The following PROSER3 variants were observed in gnomAD, a reference collection of about 807,000 sequenced individuals.
The protein encoded by PROSER3 is proline and serine-rich protein 3.
In PROSER3, 33 loss-of-function variants were observed where a neutral mutation model predicts 50.2. The ratio of observed to expected loss-of-function variants is 0.66; its 90% CI spans 0.50 to 0.88. The LOEUF (loss-of-function observed/expected upper bound fraction) is 0.88, where lower values mean the gene tolerates loss of function less well. Among genes scored for constraint, PROSER3 ranks in the 40% least tolerant of loss-of-function variants. The pLI, the probability that PROSER3 is intolerant of heterozygous loss-of-function variation, is 0.00. For missense variants in PROSER3, 623 were observed against 612.7 expected, an observed-to-expected ratio of 1.02 and a Z score of -0.18; for synonymous variants, 266 against 259.3, an observed-to-expected ratio of 1.03 and a Z score of -0.25.
intron 3 of PROSER3, among the ~76,000 whole-genome samples, chr19:35,760,428 C>A (rs999550174): frequency 6.6e-6 from 1 of 152,118 alleles, no homozygotes; most frequent in South Asian, 2.1e-4. Context: ...ACAGGCCAGA[C>A]GTACCATGCC....
At chr19:35,764,790 G>A in intron 5 of PROSER3, 64 bp from the exon 6 acceptor site, 1 of 1,461,796 alleles carries the variant, frequency 6.8e-7, no homozygotes, top group South Asian at 1.2e-5. Flanking sequence ...CAGGCCCTCT[G>A]TTTAGAACCC....
intron 8 of PROSER3, 55 bp downstream of exon 8, chr19:35,767,010 G>GGGGGAC: frequency 6.7e-7 from 1 of 1,487,698 alleles, no homozygotes; most frequent in Non-Finnish European, 9.0e-7. Context: ...CTGGGTCTGA[G>GGGGGAC]GGGGACTGAG....
exon 9 of PROSER3, chr19:35,767,931 C>A: frequency 6.2e-7 from 1 of 1,612,310 alleles, no homozygotes; most frequent in Non-Finnish European, 8.5e-7. Flanking sequence ...GAGCAGGCAA[C>A]CACAGTCAAG....
chr19:35,767,213 C>T (rs1169246454), intron 8 of PROSER3: 4 of 447,132 alleles, frequency 8.9e-6, no homozygotes, highest in Non-Finnish European at 1.6e-5. Flanking sequence ...GTCCTCTCCA[C>T]ACATCTTTTG....
At chr19:35,770,830 A>T (rs1210450604), downstream of PROSER3, 7 of 151,864 alleles carry the variant, frequency 4.6e-5, no homozygotes, top group Admixed American at 1.3e-4. Flanking sequence ...GGAAAAAAAA[A>T]AAAAGATAAT....
rs1970982749 is a variant in PROSER3, at chr19:35,762,371, C to T, written c.543+15C>T. On this transcript the variant is annotated intron_variant, in intron 5 of 10. Coordinates refer to ENST00000396908, the Ensembl canonical transcript of PROSER3. ...AAATAAAGCAGGTGACATCCCCATTCACTCCCTCCCTTGGGTGCCTGAACT... is the reference window on the plus strand; with the variant it reads ...AAATAAAGCAGGTGACATCCCCATTTACTCCCTCCCTTGGGTGCCTGAACT... The T allele has an allele frequency of 3.2e-6, 5 of 1,575,864 alleles. No homozygotes were observed. In the African/African-American group the frequency reaches 6.8e-5, roughly 21 times the overall value.
At chr19:35,762,396 T>TA (rs879791761) in intron 5 of PROSER3, 40 bp downstream of exon 5, 13 of 1,499,630 alleles carry the variant, frequency 8.7e-6, no homozygotes, top group Non-Finnish European at 1.2e-5. Context: ...GTGCCTGAAC[T>TA]GACAACACCA....
chr19:35,758,308 A>T (rs1406448901), intron 1 of PROSER3, 82 bp downstream of exon 1: 9 of 1,492,112 alleles, frequency 6.0e-6, no homozygotes, highest in East Asian at 2.6e-5. Context: ...GACGGGCTGG[A>T]TACGGTCTGG....
At chr19:35,770,061 C>T (rs1971291894), downstream of PROSER3, among the ~76,000 whole-genome samples, 1 of 152,132 alleles carries the variant, frequency 6.6e-6, no homozygotes. Flanking sequence ...TGTGCCACCA[C>T]GCCTGGCTAA....
chr19:35,769,281 C>T (rs1302830635), downstream of PROSER3: 2 of 151,800 alleles, frequency 1.3e-5, no homozygotes, highest in Non-Finnish European at 2.9e-5. Context: ...CAATCTTTCC[C>T]CCTAGGCGTG....
chr19:35,768,266 GACA>G, intron 10 of PROSER3, 30 bp downstream of exon 10: 2 of 1,601,784 alleles, frequency 1.2e-6, no homozygotes, highest in Non-Finnish European at 1.7e-6. Context: ...CAGAGTCTAT[GACA>G]CTGGGCCCCG....
At chr19:35,768,312 C>T (rs1971241681) in intron 10 of PROSER3, 76 bp downstream of exon 10, 6 of 1,580,234 alleles carry the variant, frequency 3.8e-6, no homozygotes, top group South Asian at 3.3e-5. Context: ...GCATCCAGCC[C>T]TCCTCATCCC....
At chr19:35,760,331 C>T (rs1240600540) in intron 3 of PROSER3, among the ~76,000 whole-genome samples, 1 of 152,198 alleles carries the variant, frequency 6.6e-6, no homozygotes, top group Admixed American at 6.5e-5. Context: ...CGTCCTCCCA[C>T]CTCAGCCTCC....
intron 5 of PROSER3, among the ~76,000 whole-genome samples, chr19:35,764,209 G>A (rs1414261019): frequency 6.6e-6 from 1 of 152,176 alleles, no homozygotes; most frequent in East Asian, 1.9e-4. Flanking sequence ...GGAAGTGGGG[G>A]CTTTTCGAAT....
chr19:35,758,285 C>A, intron 1 of PROSER3, 59 bp downstream of exon 1: 11 of 1,544,320 alleles, frequency 7.1e-6, no homozygotes, highest in Non-Finnish European at 7.9e-6. Context: ...ACGGCGAGAG[C>A]AGCACAGCCT....
At chr19:35,767,886 C>T (rs751989418) in exon 9 of PROSER3, 3 of 1,613,266 alleles carry the variant, frequency 1.9e-6, no homozygotes, top group Non-Finnish European at 2.5e-6. Context: ...TCCCCTGGAG[C>T]CTGCCTGCAG....
intron 2 of PROSER3, 114 bp downstream of exon 2, chr19:35,759,584 C>A: frequency 9.1e-7 from 1 of 1,103,188 alleles, no homozygotes. Context: ...AGAGACAGCC[C>A]CTTGTCCCCT....
chr19:35,763,020 C>T (rs888075868), intron 5 of PROSER3: 1 of 148,288 alleles, frequency 6.7e-6, no homozygotes, highest in African/African-American at 2.5e-5. Flanking sequence ...GACAGCAAGA[C>T]TCCATCTCAA....
At chr19:35,765,334 G>A (rs976824656) in intron 7 of PROSER3, among the ~76,000 whole-genome samples, 158 bp downstream of exon 7, 2 of 152,158 alleles carry the variant, frequency 1.3e-5, no homozygotes, top group South Asian at 2.1e-4. Flanking sequence ...AGGCCGAGGC[G>A]GGCAGATTGC....
Sources: gnomAD v4.1 joint callset for allele counts (sites outside exome capture counted in the v4.1 genomes callset) on GRCh38, gnomAD v4.1.1 for gene constraint, MANE v1.5 for transcripts, NCBI Gene and HGNC (gene_info 2026-07-23, HGNC 2026-07-21) for gene names.